ZNF219: variants seen among roughly 807,000 people sequenced by gnomAD.
ZNF219 encodes the protein zinc finger protein 219.
A neutral mutation model predicts 54.4 loss-of-function variants in ZNF219; 17 were observed. That is an observed-to-expected ratio of 0.31 (90% CI 0.21 to 0.47). ZNF219 has a LOEUF of 0.47. Ranked by LOEUF, ZNF219 falls within the 20% of genes least tolerant of loss-of-function variation. The probability of loss-of-function intolerance (pLI) is 1.00; values close to 1 mark genes in which losing one functional copy is unlikely to be tolerated. For synonymous variants in ZNF219, 518 were observed against 476.4 expected (o/e 1.09, Z -1.14); for missense variants, 1,014 against 1,062.3 (o/e 0.95, Z 0.63).
Position 21,091,001 on chromosome 14 carries a change from G to A in ZNF219, c.1704C>T (p.Ser568=), listed in dbSNP as rs745612981. ...CAGATTGCGGGGCCGAACCCCGCTG[G>A]GAAGGAGGCGGTGGCTCCGGGGGTG... ...PGPPPEPPPP[S]QRGSAPQSGA... is the part of the protein sequence containing the mutation. Residue 568 remains serine, a synonymous_variant, in exon 5 of 5, where the codon TCC becomes TCT. Transcript: ENST00000360947. 3.2e-5 allele frequency: 49 copies of A among 1,551,994 alleles called. No homozygotes were observed. The African/African-American group carries it at 4.1e-4, about 13-fold the overall frequency.
chr14:21,100,816 GA>G (rs1299477913), upstream of ZNF219, among the ~76,000 whole-genome samples: 1 of 152,172 alleles, frequency 6.6e-6, no homozygotes, highest in African/African-American at 2.4e-5. Context: ...ATTTGAGGAG[GA>G]AGCCAAAGAA....
chr14:21,090,945 C>T lies in ZNF219; in HGVS notation c.1760G>A (p.Trp587Ter). 6.5e-7 allele frequency: 1 copy of T among 1,548,466 alleles called. No individual in the cohort carries two copies. The highest frequency in any genetic ancestry group is 8.7e-7 in the Non-Finnish European group (1 of 1,152,322). ...GAKPSPQPAT[W>*]VEGASSPRPP... ...CCGGGGACTTGAGGCGCCCTCCACC[C>T]AGGTCGCAGGCTGCGGAGACGGCTT... The change falls in exon 5 of 5, where the codon TGG (tryptophan) becomes TAG (stop). Residue 587 changes from tryptophan (W) to a stop codon, truncating the protein, a stop_gained. Coordinates refer to ENST00000360947, the MANE Select transcript of ZNF219 (RefSeq NM_016423.3). LOFTEE classifies it high-confidence loss of function. This position sits in a 1 kb window ranked among gnomAD's most constrained non-coding sequence, Gnocchi z 4.4.
intron 1 of ZNF219, among the ~76,000 whole-genome samples, chr14:21,097,162 AGCTCCTCCTAACCC>A (rs1174035309): frequency 1.3e-5 from 2 of 152,180 alleles, no homozygotes; most frequent in East Asian, 3.8e-4. Context: ...CTGCTCAGAT[AGCTCCTCCTAACCC>A]GCTCCACTCT....
chr14:21,097,589 G>T (rs777676396), intron 1 of ZNF219, among the ~76,000 whole-genome samples: 1 of 152,104 alleles, frequency 6.6e-6, no homozygotes, highest in Admixed American at 6.5e-5. Context: ...AAGTAGGGTA[G>T]GACCTGCTAT....
chr14:21,103,655 G>C (rs1889794256), upstream of ZNF219: 1 of 171,766 alleles, frequency 5.8e-6, no homozygotes, highest in Non-Finnish European at 1.3e-5. Context: ...CTGTAGCGGA[G>C]ACTACAAGTC....
chr14:21,102,429 A>T (rs775454146), upstream of ZNF219: 20 of 1,551,396 alleles, frequency 1.3e-5, no homozygotes, highest in Non-Finnish European at 1.7e-5. Flanking sequence ...GATATTCAAC[A>T]CCTTCAACTT....
chr14:21,103,303 A>C, upstream of ZNF219: 3 of 1,533,866 alleles, frequency 2.0e-6, no homozygotes, highest in Non-Finnish European at 2.6e-6. Context: ...CACCAAACTC[A>C]GAAGCTTGCT....
At chr14:21,093,520 G>C (rs932828844) in intron 2 of ZNF219, 66 bp downstream of exon 2, 12 of 1,566,980 alleles carry the variant, frequency 7.7e-6, no homozygotes, top group Non-Finnish European at 1.1e-5. Flanking sequence ...AAGAGAGAGA[G>C]AGGTAGGCAG....
At chr14:21,099,159 T>C (rs1889490178), upstream of ZNF219, 1 of 202,024 alleles carries the variant, frequency 4.9e-6, no homozygotes, top group South Asian at 6.1e-5. Flanking sequence ...AAAGAAGTGG[T>C]ACCTTCCTTC....
intron 1 of ZNF219, among the ~76,000 whole-genome samples, chr14:21,095,509 A>G (rs1406360895): frequency 6.6e-6 from 1 of 152,246 alleles, no homozygotes; most frequent in Non-Finnish European, 1.5e-5. Context: ...ACTAATTTAT[A>G]GTGTTAGTCC....
intron 1 of ZNF219, among the ~76,000 whole-genome samples, chr14:21,096,987 C>T (rs2319625): frequency 0.19 from 29,073 of 152,026 alleles, 3,126 homozygotes; most frequent in Admixed American, 0.3. Flanking sequence ...CTTGAGAATC[C>T]TAGACCTCCC....
Position 21,093,676 on chromosome 14 carries a change from T to TA in ZNF219, c.-83-3dup. Reference sequence around the variant, plus strand: ...ATGAAGGCAACAGGTGCTGTGGAGCTAAAGCAAGAGACAGATTTGGAGGAA... The same window carrying TA: ...ATGAAGGCAACAGGTGCTGTGGAGCTAAAAGCAAGAGACAGATTTGGAGGAA... On this transcript the variant is annotated splice_polypyrimidine_tract_variant and splice_region_variant and intron_variant, in intron 1 of 4. Coordinates refer to ENST00000360947, the MANE Select transcript of ZNF219 (RefSeq NM_016423.3). The TA allele has an allele frequency of 6.2e-7, 1 of 1,613,814 alleles. No individual in the cohort carries two copies. Among genetic ancestry groups the TA allele is most frequent in the Non-Finnish European group, 8.5e-7 (1 of 1,179,836 alleles).
At chr14:21,094,726 T>TGGGGAG (rs1555341858) in intron 1 of ZNF219, among the ~76,000 whole-genome samples, 1 of 5,892 alleles carries the variant, frequency 1.7e-4, no homozygotes, top group Non-Finnish European at 3.4e-4. Context: ...GGATAGGGGT[T>TGGGGAG]GGGGGGGGGG....
At position 21,091,932 on chromosome 14, in the gene ZNF219, G is replaced by C. The variant is rs762025022; in HGVS notation, c.1365C>G (p.Arg455=). The C allele has an allele frequency of 6.2e-7, 1 of 1,604,390 alleles. No individual in the cohort carries two copies. Among genetic ancestry groups the C allele is most frequent in the Non-Finnish European group, 8.5e-7 (1 of 1,176,596 alleles). Residue 455 remains arginine, a synonymous_variant, in exon 3 of 5, where the codon CGC becomes CGG. Transcript: ENST00000360947. ...CAGAGTGCCCCGGTCCCTCACCCGGGCGCGGGTGCAGGGAAGCCAGAGAGC... is the reference window on the plus strand; with the variant it reads ...CAGAGTGCCCCGGTCCCTCACCCGGCCGCGGGTGCAGGGAAGCCAGAGAGC... The part of the protein sequence containing the change: ...SLGSLASLHP[R]PGEGPGHSAS...
upstream of ZNF219, chr14:21,101,658 A>G (rs145127867): frequency 8.0e-5 from 52 of 647,752 alleles, no homozygotes; most frequent in East Asian, 1.3e-3. Context: ...TGTGGGGGAA[A>G]ACATACAGGT....
In ZNF219 at chr14:21,090,488, C is replaced by A. The variant is rs769029186; in HGVS notation, c.*48G>T. 1 of 1,538,378 alleles carries A rather than the reference C, an allele frequency of 6.5e-7. No individual in the cohort carries two copies. The highest frequency in any genetic ancestry group is 1.2e-5 in the South Asian group (1 of 80,074). On this transcript the variant is annotated 3_prime_UTR_variant, in exon 5 of 5. Transcript: ENST00000360947. This position sits in a 1 kb window ranked among gnomAD's most constrained non-coding sequence, Gnocchi z 4.4. ...CTACCCAACTACCTCTAGCGCTCCC[C>A]CGCTCCGGCGGGGTAAGCTCACTAA...
In ZNF219 at chr14:21,090,921, C is replaced by T. The variant is rs769351050; in HGVS notation, c.1784G>A (p.Arg595Gln). The T allele has an allele frequency of 2.6e-6, 4 of 1,548,278 alleles. No homozygotes were observed. The highest frequency in any genetic ancestry group is 4.8e-5 in the East Asian group (2 of 41,658). ...CGGCCCAGCACCGCTAGAAGGAGGC[C>T]GGGGACTTGAGGCGCCCTCCACCCA... The part of the protein sequence containing the change: ...ATWVEGASSP[R>Q]PPSSGAGPGS... The change falls in exon 5 of 5, where the codon CGG becomes CAG. Residue 595 changes from arginine to glutamine, a missense_variant. By Grantham distance (43) the Arg-to-Gln change is conservative. Transcript: ENST00000360947. This position sits in a 1 kb window ranked among gnomAD's most constrained non-coding sequence, Gnocchi z 4.4.
rs934310945 is a variant in ZNF219 at position 21,090,403 on chromosome 14, T to C, written c.*133A>G. ...CCACCCTCCTACGCCCGCCGCGCCTTCCACCTCTGGTCCGCCTGGGGCTGG... is the reference window on the plus strand; with the variant it reads ...CCACCCTCCTACGCCCGCCGCGCCTCCCACCTCTGGTCCGCCTGGGGCTGG... On this transcript the variant is annotated 3_prime_UTR_variant, in exon 5 of 5. Coordinates refer to ENST00000360947, the MANE Select transcript of ZNF219 (RefSeq NM_016423.3). The surrounding 1 kb of genome is among the most constrained non-coding windows in gnomAD (Gnocchi z 4.4). 7.8e-7 allele frequency: 1 copy of C among 1,283,200 alleles called. No individual in the cohort carries two copies. The highest frequency in any genetic ancestry group is 1.1e-6 in the Non-Finnish European group (1 of 949,934). The allele number at this position is 1,283,200 out of a possible 1,614,324, so 79.5% of individuals were successfully genotyped here. A position where few individuals can be genotyped will look rare whatever the true frequency, so the allele number is the denominator to read the frequency against.
chr14:21,104,587 C>T (rs1174105604), exon 1 of ZNF219: 1 of 152,268 alleles, frequency 6.6e-6, no homozygotes, highest in Non-Finnish European at 1.5e-5. Flanking sequence ...GCTTCTTTCC[C>T]TAGAGAATGC....
Sources: gnomAD v4.1 joint callset for allele counts (sites outside exome capture counted in the v4.1 genomes callset) on GRCh38, gnomAD v4.1.1 for gene constraint, Gnocchi (gnomAD v3.1) non-coding constraint, MANE v1.5 for transcripts, NCBI Gene and HGNC (gene_info 2026-07-23, HGNC 2026-07-21) for gene names.